The following ROBO2 variants were observed in gnomAD, a reference collection of about 807,000 sequenced individuals.
The protein encoded by ROBO2 is roundabout guidance receptor 2.
In ROBO2, 53 loss-of-function variants were observed where a neutral mutation model predicts 160.8. The observed-to-expected ratio is 0.33, with a 90% CI of 0.26 to 0.41. ROBO2 has a LOEUF of 0.41. Among genes scored for constraint, ROBO2 ranks in the 10% least tolerant of loss-of-function variants. The pLI is 1.00. For missense variants in ROBO2, 1,577 were observed against 1,722.4 expected (o/e 0.92, Z 1.49); for synonymous variants, 664 against 611.7 (o/e 1.09, Z -1.26).
chr3:77,116,702 A>T (rs77849140), intron 2 of ROBO2, among the ~76,000 whole-genome samples: 11,013 of 152,270 alleles, frequency 0.072, 551 homozygotes, highest in Non-Finnish European at 0.11. Context: ...GAGATGATGG[A>T]TGCAGGTATT....
intron 2 of ROBO2, among the ~76,000 whole-genome samples, chr3:77,395,106 G>A (rs140288933): frequency 6.6e-6 from 1 of 152,190 alleles, no homozygotes; most frequent in Non-Finnish European, 1.5e-5. Flanking sequence ...AGAGCGTAAT[G>A]CAGTATTTGC....
chr3:77,606,164 G>C (rs1273908860), intron 20 of ROBO2, among the ~76,000 whole-genome samples: 1 of 152,110 alleles, frequency 6.6e-6, no homozygotes, highest in Non-Finnish European at 1.5e-5. Flanking sequence ...TGGGAGTAAA[G>C]AAAGCTTTAG....
chr3:75,941,254 CT>C (rs1293993819), intron 2 of ROBO2, among the ~76,000 whole-genome samples: 1 of 152,062 alleles, frequency 6.6e-6, no homozygotes, highest in Non-Finnish European at 1.5e-5. Flanking sequence ...TTGCATCTGG[CT>C]CAAAAATATT....
At chr3:77,493,113 A>G (rs2086339129) in intron 4 of ROBO2, 131 bp from the exon 5 acceptor site, 2 of 858,806 alleles carry the variant, frequency 2.3e-6, no homozygotes, top group Non-Finnish European at 3.8e-6. Context: ...TTATTAAAAC[A>G]CAGCTGAGGT....
intron 2 of ROBO2, among the ~76,000 whole-genome samples, chr3:76,830,966 G>A (rs1016749508): frequency 1.3e-5 from 2 of 152,086 alleles, no homozygotes; most frequent in East Asian, 1.9e-4. Flanking sequence ...TCCAGCCTGG[G>A]TGCACAGTGA....
intron 1 of ROBO2, among the ~76,000 whole-genome samples, chr3:77,073,390 C>T (rs886735214): frequency 3.3e-5 from 5 of 151,978 alleles, no homozygotes; most frequent in South Asian, 2.1e-4. Flanking sequence ...AGTAAATATG[C>T]GAGGAAATAG....
intron 2 of ROBO2, among the ~76,000 whole-genome samples, chr3:77,471,814 G>A (rs139508412): frequency 1.3e-5 from 2 of 152,274 alleles, no homozygotes; most frequent in East Asian, 3.9e-4. Flanking sequence ...AAGAATAAGT[G>A]ATTTTTTTGA....
intron 2 of ROBO2, among the ~76,000 whole-genome samples, chr3:76,846,044 G>A (rs1365395011): frequency 6.6e-6 from 1 of 152,058 alleles, no homozygotes; most frequent in East Asian, 1.9e-4. Context: ...CTGTAGCTCT[G>A]TGCTTTAACC....
chr3:76,031,690 G>A (rs984622450), intron 2 of ROBO2, among the ~76,000 whole-genome samples: 1 of 152,028 alleles, frequency 6.6e-6, no homozygotes, highest in Non-Finnish European at 1.5e-5. Flanking sequence ...TGTTAAACCA[G>A]CCTTGCATCC....
At chr3:77,527,346 C>CT in intron 6 of ROBO2, 57 bp from the exon 7 acceptor site, 1 of 1,253,456 alleles carries the variant, frequency 8.0e-7, no homozygotes, top group Non-Finnish European at 1.0e-6. Context: ...GATAATTTTT[C>CT]TTTCTTTTTT....
At chr3:77,303,682 C>G (rs2062849526) in intron 2 of ROBO2, among the ~76,000 whole-genome samples, 2 of 151,810 alleles carry the variant, frequency 1.3e-5, no homozygotes. Context: ...GTTAATTAAT[C>G]CAATTGTATT....
At chr3:77,505,808 A>G (rs2088426388) in intron 5 of ROBO2, among the ~76,000 whole-genome samples, 1 of 152,198 alleles carries the variant, frequency 6.6e-6, no homozygotes, top group Non-Finnish European at 1.5e-5. Context: ...AGGGGCAAAT[A>G]TAAATGAGAG....
At chr3:76,064,439 CCTCATCCT>C (rs911155371) in intron 2 of ROBO2, among the ~76,000 whole-genome samples, 88 of 152,070 alleles carry the variant, frequency 5.8e-4, no homozygotes, top group Admixed American at 2.6e-3. Flanking sequence ...CTAGCATAAC[CCTCATCCT>C]CTGGGCCAAG....
chr3:76,311,080 G>T (rs1161162818), intron 2 of ROBO2: 2 of 152,176 alleles, frequency 1.3e-5, no homozygotes, highest in African/African-American at 4.8e-5. Flanking sequence ...ATAGCTTCTG[G>T]AGTAGAAGCA....
At chr3:76,911,876 C>A (rs2076012263) in intron 2 of ROBO2, among the ~76,000 whole-genome samples, 1 of 151,918 alleles carries the variant, frequency 6.6e-6, no homozygotes, top group East Asian at 1.9e-4. Flanking sequence ...CCAAGGCAGG[C>A]AAATATGACT....
chr3:77,639,520 A>C (rs1272661216), intron 24 of ROBO2, among the ~76,000 whole-genome samples: 1 of 152,194 alleles, frequency 6.6e-6, no homozygotes, highest in Non-Finnish European at 1.5e-5. Context: ...TAACATAAGC[A>C]AAAAAGTAAT....
At chr3:77,580,272 T>A (rs977845788) in intron 16 of ROBO2, among the ~76,000 whole-genome samples, 154 bp downstream of exon 17, 2 of 152,148 alleles carry the variant, frequency 1.3e-5, no homozygotes, top group African/African-American at 4.8e-5. Context: ...TAGAGTTTTT[T>A]ACAAAAATAC....
rs192056404 is a variant in ROBO2, at chr3:76,439,067, G to C, written c.109+501465G>C. On this transcript the variant is annotated intron_variant, in intron 2 of 26. Coordinates refer to the ROBO2 transcript ENST00000487694. Reference sequence around the variant, plus strand: ...ATAACTTTTTAAATGTGTTTTTCTAGAGAATAACCACAAAGAAATAGAACA... The same window carrying C: ...ATAACTTTTTAAATGTGTTTTTCTACAGAATAACCACAAAGAAATAGAACA... Among the ~76,000 whole-genome samples the C allele has an allele frequency of 3.7e-3, 570 of 152,154 alleles. 7 individuals carry two copies. Among genetic ancestry groups the C allele is most frequent in the Non-Finnish European group, 5.8e-3 (396 of 67,988 alleles).
chr3:76,063,283 A>G lies in ROBO2; in HGVS notation c.109+125681A>G, dbSNP rs190282401. 1.1e-3 allele frequency among the ~76,000 whole-genome samples: 169 copies of G among 151,442 alleles called. 1 individual carries two copies. In the Middle Eastern group the frequency reaches 0.017, roughly 16 times the overall value. On this transcript the variant is annotated intron_variant, in intron 2 of 26. Transcript: ENST00000487694. ...TGGGCGAAGTCTAAAAATAGCTACC[A>G]TTCACTGAGTCCAGAGCATAGGCGT...
Sources: gnomAD v4.1 joint callset for allele counts (sites outside exome capture counted in the v4.1 genomes callset) on GRCh38, gnomAD v4.1.1 for gene constraint, MANE v1.5 for transcripts, NCBI Gene and HGNC (gene_info 2026-07-23, HGNC 2026-07-21) for gene names.